The following GLIS3 variants were observed in gnomAD, a reference collection of about 807,000 sequenced individuals.
GLIS3 encodes the protein zinc finger protein GLIS3.
GLIS3 carries 53 observed loss-of-function variants against 78.6 expected under a neutral mutation model. The observed-to-expected ratio is 0.67, with a 90% CI of 0.54 to 0.85. The LOEUF is 0.85. Ranked by LOEUF, GLIS3 falls within the 40% of genes least tolerant of loss-of-function variation. The pLI is 0.00. For synonymous variants in GLIS3, 684 were observed against 509.9 expected (o/e 1.34, Z -4.60); for missense variants, 1,703 against 1,231.1 (o/e 1.38, Z -5.74).
intron 2 of GLIS3, among the ~76,000 whole-genome samples, chr9:4,261,766 C>G (rs1301498025): frequency 2.0e-5 from 3 of 152,180 alleles, no homozygotes; most frequent in Non-Finnish European, 4.4e-5. Flanking sequence ...GTCTTTAAAG[C>G]AAGCGGCACT....
At chr9:4,248,497 C>T (rs975374667) in intron 2 of GLIS3, among the ~76,000 whole-genome samples, 2 of 152,098 alleles carry the variant, frequency 1.3e-5, no homozygotes, top group Admixed American at 1.3e-4. Flanking sequence ...CATTGATGGG[C>T]ATTTGGGTTG....
intron 6 of GLIS3, among the ~76,000 whole-genome samples, chr9:3,926,605 C>CTCCT (rs932207905): frequency 2.7e-5 from 4 of 149,992 alleles, no homozygotes; most frequent in African/African-American, 4.9e-5. Flanking sequence ...TTCTTTCTCT[C>CTCCT]TCCTTCCTTC....
At chr9:3,948,278 G>C (rs1341635617) in intron 4 of GLIS3, among the ~76,000 whole-genome samples, 1 of 152,184 alleles carries the variant, frequency 6.6e-6, no homozygotes, top group Non-Finnish European at 1.5e-5. Flanking sequence ...TTCTTGTGCT[G>C]ATTTTAAACT....
intron 2 of GLIS3, among the ~76,000 whole-genome samples, chr9:4,222,346 T>A (rs758165916): frequency 1.4e-4 from 22 of 152,218 alleles, no homozygotes; most frequent in Non-Finnish European, 2.6e-4. Context: ...AAATTCTCTC[T>A]GCATCAGATT....
chr9:4,026,006 G>C (rs1042635910), intron 4 of GLIS3, among the ~76,000 whole-genome samples: 3 of 152,142 alleles, frequency 2.0e-5, no homozygotes, highest in African/African-American at 7.2e-5. Flanking sequence ...AGTCATGATA[G>C]GGAAGAACAA....
At chr9:4,270,570 A>G (rs533931805) in intron 2 of GLIS3, among the ~76,000 whole-genome samples, 14 of 152,302 alleles carry the variant, frequency 9.2e-5, no homozygotes, top group African/African-American at 3.1e-4. Flanking sequence ...GCCTCCAATT[A>G]TTCTGTCTGC....
chr9:4,374,305 C>T, the GLIS3 span, among the ~76,000 whole-genome samples: 5 of 152,242 alleles, frequency 3.3e-5, no homozygotes, highest in African/African-American at 1.2e-4. Flanking sequence ...ATCTTACTCC[C>T]TGCTTTATCT....
intron 6 of GLIS3, among the ~76,000 whole-genome samples, chr9:3,929,878 T>C (rs992278556): frequency 1.4e-4 from 21 of 152,172 alleles, no homozygotes; most frequent in Non-Finnish European, 3.1e-4. Context: ...AGGTTTATTG[T>C]TTCTTTTTTT....
chr9:4,207,963 C>T (rs10758570), intron 2 of GLIS3, among the ~76,000 whole-genome samples: 2 of 152,056 alleles, frequency 1.3e-5, no homozygotes, highest in African/African-American at 4.8e-5. Context: ...CCTGGAACCA[C>T]GTTGGGGGTA....
At chr9:4,390,537 GATAAACTTC>G in the GLIS3 span, among the ~76,000 whole-genome samples, 1 of 152,130 alleles carries the variant, frequency 6.6e-6, no homozygotes, top group East Asian at 1.9e-4. Context: ...AGTGGTACTT[GATAAACTTC>G]ATAAACTGCA....
the GLIS3 span, among the ~76,000 whole-genome samples, chr9:4,361,427 C>T: frequency 6.6e-6 from 1 of 152,192 alleles, no homozygotes; most frequent in African/African-American, 2.4e-5. Context: ...ATGCTGTTCC[C>T]TTTCCTGTGG....
chr9:4,435,876 G>C, the GLIS3 span, among the ~76,000 whole-genome samples: 1 of 152,204 alleles, frequency 6.6e-6, no homozygotes, highest in Non-Finnish European at 1.5e-5. Context: ...ATAAACTCGG[G>C]AGGTGGAGCT....
At chr9:4,419,236 A>G in the GLIS3 span, among the ~76,000 whole-genome samples, 1 of 152,192 alleles carries the variant, frequency 6.6e-6, no homozygotes, top group Admixed American at 6.5e-5. Context: ...TCTGGGTTGA[A>G]CAGCTGCTAA....
chr9:4,256,689 A>G (rs910984174), intron 2 of GLIS3, among the ~76,000 whole-genome samples: 3 of 152,246 alleles, frequency 2.0e-5, no homozygotes, highest in African/African-American at 4.8e-5. Context: ...ATTGTAGACA[A>G]AAGTAGAAAG....
intron 2 of GLIS3, among the ~76,000 whole-genome samples, chr9:4,222,077 G>A (rs759883631): frequency 1.3e-5 from 2 of 152,166 alleles, no homozygotes; most frequent in African/African-American, 4.8e-5. Context: ...GATTTATCTG[G>A]TTTTGACCAT....
chr9:3,832,286 A>G (rs1374423703), intron 9 of GLIS3, among the ~76,000 whole-genome samples: 4 of 151,790 alleles, frequency 2.6e-5, no homozygotes, highest in South Asian at 2.1e-4. Flanking sequence ...TAATGACTGT[A>G]TTTCTTAAAA....
chr9:4,085,334 T>A (rs1172944351), intron 4 of GLIS3, among the ~76,000 whole-genome samples: 1 of 152,160 alleles, frequency 6.6e-6, no homozygotes, highest in Non-Finnish European at 1.5e-5. Context: ...TCTCATTTCT[T>A]ACTCTGCATT....
intron 4 of GLIS3, among the ~76,000 whole-genome samples, chr9:4,020,565 T>C (rs947792381): frequency 6.6e-6 from 1 of 152,198 alleles, no homozygotes; most frequent in East Asian, 1.9e-4. Flanking sequence ...TTATGTGCAA[T>C]CTAAGAGGCA....
intron 6 of GLIS3, among the ~76,000 whole-genome samples, chr9:3,905,097 C>T (rs1195209522): frequency 4.0e-5 from 6 of 151,300 alleles, no homozygotes; most frequent in Non-Finnish European, 8.8e-5. Context: ...CTCAGCCTCC[C>T]GAGTAGCTGG....
Sources: gnomAD v4.1 joint callset for allele counts (sites outside exome capture counted in the v4.1 genomes callset) on GRCh38, gnomAD v4.1.1 for gene constraint, MANE v1.5 for transcripts, NCBI Gene and HGNC (gene_info 2026-07-23, HGNC 2026-07-21) for gene names.